Variants in CALN1 observed in about 807,000 individuals in gnomAD.
CALN1 encodes calcium-binding protein 8.
In CALN1, 17 loss-of-function variants were observed where a neutral mutation model predicts 30.6. The observed-to-expected ratio is 0.56, with a 90% CI of 0.38 to 0.83. CALN1 has a LOEUF of 0.83. Ranked by LOEUF, CALN1 falls within the 40% of genes least tolerant of loss-of-function variation. The probability of loss-of-function intolerance (pLI) is 0.00; values close to 1 mark genes in which losing one functional copy is unlikely to be tolerated. For missense variants in CALN1, 291 were observed against 354.9 expected (o/e 0.82, Z 1.45); for synonymous variants, 156 against 131.4 (o/e 1.19, Z -1.28).
intron 3 of CALN1, among the ~76,000 whole-genome samples, chr7:72,181,284 T>C (rs1256171360): frequency 6.7e-6 from 1 of 149,160 alleles, no homozygotes; most frequent in Non-Finnish European, 1.5e-5. Context: ...ATATACAATA[T>C]ATAAAATATG....
intron 3 of CALN1, among the ~76,000 whole-genome samples, chr7:72,252,276 G>C (rs1355356937): frequency 6.6e-6 from 1 of 152,008 alleles, no homozygotes; most frequent in Non-Finnish European, 1.5e-5. Context: ...ACCCCAATCA[G>C]CAAATCTTGG....
intron 3 of CALN1, among the ~76,000 whole-genome samples, chr7:72,150,258 A>C (rs1787129545): frequency 6.6e-6 from 1 of 152,204 alleles, no homozygotes; most frequent in East Asian, 1.9e-4. Context: ...GAGGGGGCCT[A>C]AATTATTTGA....
chr7:72,462,326 C>G, the CALN1 span, among the ~76,000 whole-genome samples: 141 of 152,248 alleles, frequency 9.3e-4, no homozygotes, highest in African/African-American at 3.2e-3. Context: ...GCTGGGACTA[C>G]AGGTGTGCAC....
At chr7:71,836,622 C>CTTTTT (rs756689224) in intron 5 of CALN1, among the ~76,000 whole-genome samples, 1 of 132,624 alleles carries the variant, frequency 7.5e-6, no homozygotes, top group Non-Finnish European at 1.6e-5. Context: ...CTCTCTGTCT[C>CTTTTT]TTTTTTTTTT....
intron 1 of CALN1, among the ~76,000 whole-genome samples, chr7:72,445,559 A>G (rs149888517): frequency 2.8e-4 from 43 of 152,252 alleles, no homozygotes; most frequent in African/African-American, 9.9e-4. Context: ...CTTCTTTAGA[A>G]TCTTTAAATC....
At chr7:72,396,101 T>C (rs1019754108) in intron 2 of CALN1, among the ~76,000 whole-genome samples, 5 of 150,786 alleles carry the variant, frequency 3.3e-5, no homozygotes, top group Non-Finnish European at 5.9e-5. Context: ...TGAGGCGAGA[T>C]TAAGAAGGAA....
intron 5 of CALN1, among the ~76,000 whole-genome samples, chr7:71,841,683 C>T (rs1789947921): frequency 6.6e-6 from 1 of 152,110 alleles, no homozygotes; most frequent in African/African-American, 2.4e-5. Context: ...AGAAAGAGTG[C>T]AGTCATGGCC....
intron 3 of CALN1, among the ~76,000 whole-genome samples, chr7:72,154,392 G>C (rs935869820): frequency 5.3e-5 from 8 of 152,136 alleles, no homozygotes; most frequent in African/African-American, 1.7e-4. Flanking sequence ...GTCAGTGAAA[G>C]ACTGGCCAAA....
At chr7:72,291,153 C>T (rs1263332576) in intron 2 of CALN1, among the ~76,000 whole-genome samples, 1 of 151,984 alleles carries the variant, frequency 6.6e-6, no homozygotes, top group Non-Finnish European at 1.5e-5. Flanking sequence ...CGAACTCCTG[C>T]CTCAAGTGAT....
chr7:72,241,353 T>C (rs1794814039), intron 3 of CALN1, among the ~76,000 whole-genome samples: 1 of 152,154 alleles, frequency 6.6e-6, no homozygotes, highest in Non-Finnish European at 1.5e-5. Flanking sequence ...TTTAATAATT[T>C]TTAAAAGTCA....
chr7:72,476,608 A>T, the CALN1 span, among the ~76,000 whole-genome samples: 1 of 152,248 alleles, frequency 6.6e-6, no homozygotes, highest in Non-Finnish European at 1.5e-5. Flanking sequence ...ATCTCAACCC[A>T]AGCCTGCTAG....
At chr7:72,435,926 G>T (rs576799756) in intron 1 of CALN1, among the ~76,000 whole-genome samples, 1 of 152,282 alleles carries the variant, frequency 6.6e-6, no homozygotes, top group Non-Finnish European at 1.5e-5. Flanking sequence ...GGAACCTTGA[G>T]TCTCACCCAG....
intron 3 of CALN1, among the ~76,000 whole-genome samples, chr7:72,123,475 G>A (rs972857852): frequency 6.6e-6 from 1 of 152,142 alleles, no homozygotes; most frequent in African/African-American, 2.4e-5. Flanking sequence ...AAGGGCACGC[G>A]TAAACACCGC....
At chr7:71,928,890 AG>A (rs1795406894) in intron 5 of CALN1, among the ~76,000 whole-genome samples, 1 of 151,928 alleles carries the variant, frequency 6.6e-6, no homozygotes, top group South Asian at 2.1e-4. Flanking sequence ...CAAAAAAAAA[AG>A]AAATATTCTT....
chr7:72,042,071 A>C (rs1802165710), intron 4 of CALN1, among the ~76,000 whole-genome samples: 1 of 152,244 alleles, frequency 6.6e-6, no homozygotes, highest in African/African-American at 2.4e-5. Flanking sequence ...TCCTGACAGC[A>C]GCACCAGAAT....
intron 5 of CALN1, among the ~76,000 whole-genome samples, chr7:71,909,210 G>A (rs899873059): frequency 6.6e-6 from 1 of 152,166 alleles, no homozygotes; most frequent in Non-Finnish European, 1.5e-5. Context: ...ATAGGGTCTT[G>A]CTGTGTTGCC....
the CALN1 span, among the ~76,000 whole-genome samples, chr7:72,454,013 T>TATATATATATATATATATATATATATA: frequency 6.6e-6 from 1 of 151,692 alleles, no homozygotes; most frequent in African/African-American, 2.4e-5. Context: ...TATATATATA[T>TATATATATATATATATATATATATATA]TCATGGGCAA....
At chr7:72,337,223 G>GCC in intron 2 of CALN1, 4 of 984,612 alleles carry the variant, frequency 4.1e-6, no homozygotes, top group Non-Finnish European at 4.8e-6. Context: ...CCTTGCCGCC[G>GCC]ACAGCACCAC....
intron 2 of CALN1, among the ~76,000 whole-genome samples, chr7:72,294,783 C>A (rs948471645): frequency 5.1e-5 from 5 of 98,626 alleles, no homozygotes; most frequent in African/African-American, 2.1e-4. Context: ...TAAATAAATA[C>A]AGATTTTTAA....
Sources: allele counts gnomAD v4.1 joint callset (sites outside exome capture counted in the v4.1 genomes callset), GRCh38; gene constraint gnomAD v4.1.1; transcripts MANE v1.5; gene names NCBI Gene and HGNC (gene_info 2026-07-23, HGNC 2026-07-21).